TIMM44: variants seen among roughly 807,000 people sequenced by gnomAD.
TIMM44 encodes the protein mitochondrial import inner membrane translocase subunit TIM44.
TIMM44 carries 37 observed loss-of-function variants against 63.8 expected under a neutral mutation model. That is an observed-to-expected ratio of 0.58 (90% confidence interval 0.45 to 0.76). The LOEUF (loss-of-function observed/expected upper bound fraction) is 0.76. Ranked by LOEUF, TIMM44 falls within the 30% of genes least tolerant of loss-of-function variation. The pLI is 0.00. For synonymous variants in TIMM44, 239 were observed against 245.1 expected, an observed-to-expected ratio of 0.98 and a Z score of 0.23; for missense variants, 573 against 603.8, an observed-to-expected ratio of 0.95 and a Z score of 0.54.
chr19:7,930,939 G>A (rs1321222093), intron 10 of TIMM44, among the ~76,000 whole-genome samples, 199 bp downstream of exon 10: 1 of 151,988 alleles, frequency 6.6e-6, no homozygotes, highest in East Asian at 1.9e-4. Flanking sequence ...TGAGAGCCCA[G>A]ATGTGTCACA....
At position 7,943,500 on chromosome 19, in the gene TIMM44, A is replaced by T. The variant is rs896134457; in HGVS notation, c.45+107T>A. 2 of 1,287,432 alleles carry T rather than the reference A, an allele frequency of 1.6e-6. No individual in the cohort carries two copies. Among genetic ancestry groups the T allele is most frequent in the African/African-American group, 2.9e-5 (2 of 67,992 alleles). The allele number at this position is 1,287,432 out of a possible 1,614,324, so 79.8% of individuals were successfully genotyped here. A position where few individuals can be genotyped will look rare whatever the true frequency, so the allele number is the denominator to read the frequency against. Reference sequence around the variant, plus strand: ...AGATCTAACCCCAAGCTTTCTAAGGAGCCCAAGCAAGGGTCGCGAAGGCCA... The same window carrying T: ...AGATCTAACCCCAAGCTTTCTAAGGTGCCCAAGCAAGGGTCGCGAAGGCCA... On this transcript the variant is annotated intron_variant, in intron 1 of 12. Transcript: ENST00000270538. This position sits in a 1 kb window ranked among gnomAD's most constrained non-coding sequence, Gnocchi z 4.3.
intron 2 of TIMM44, 38 bp downstream of exon 2, chr19:7,941,064 C>T: frequency 6.4e-7 from 1 of 1,567,820 alleles, no homozygotes; most frequent in Middle Eastern, 1.7e-4. Flanking sequence ...TTCGGGCCTC[C>T]CCTGTGTCTG....
intron 3 of TIMM44, 94 bp from the exon 4 acceptor site, chr19:7,935,239 C>T: frequency 1.8e-6 from 2 of 1,121,876 alleles, no homozygotes. Flanking sequence ...GCTCTCGGCT[C>T]ACTGCAACTT....
At position 7,927,681 on chromosome 19, in the gene TIMM44, T is replaced by C; in HGVS notation, c.1215A>G (p.Lys405=). The part of the protein sequence containing the change: ...AQLVMVVRNP[K]GEVVEGDPDK... ...CCGGGTCACCCTCCACCACCTCGCC[T>C]TTGGGGTTCCTGACCACCATCACCA... Residue 405 remains lysine (K), a synonymous_variant, in exon 12 of 13, where the codon AAA becomes AAG. Coordinates refer to ENST00000270538, the MANE Select transcript of TIMM44 (RefSeq NM_006351.4). 6.2e-7 allele frequency: 1 copy of C among 1,613,516 alleles called. No individual in the cohort carries two copies. Among genetic ancestry groups the C allele is most frequent in the South Asian group, 1.1e-5 (1 of 91,090 alleles).
chr19:7,933,720 T>C lies in TIMM44; in HGVS notation c.683+144A>G. 1 of 1,413,416 alleles carries C rather than the reference T, an allele frequency of 7.1e-7. No individual in the cohort carries two copies. Among genetic ancestry groups the C allele is most frequent in the Non-Finnish European group, 9.9e-7 (1 of 1,007,860 alleles). 87.6% of individuals were successfully genotyped at this position (1,413,416 alleles called of 1,614,324 possible). A position where few individuals can be genotyped will look rare whatever the true frequency, so the allele number is the denominator to read the frequency against. On this transcript the variant is annotated intron_variant, in intron 6 of 12. Coordinates refer to ENST00000270538, the MANE Select transcript of TIMM44 (RefSeq NM_006351.4). This position sits in a 1 kb window ranked among gnomAD's most constrained non-coding sequence, Gnocchi z 4.3. ...AGGACCCCGCCCTCACCTCTCACCC[T>C]CAAATTCGAGGGAGCCGGGAACCTT... is the stretch of plus-strand genomic sequence containing the variant.
intron 10 of TIMM44, 181 bp from the exon 11 acceptor site, chr19:7,928,347 C>T (rs908656013): frequency 1.7e-5 from 10 of 601,720 alleles, no homozygotes; most frequent in African/African-American, 7.4e-5. Flanking sequence ...CCAGATCACA[C>T]GCTTCCCACT....
In TIMM44 at chr19:7,943,628, A is replaced by C; in HGVS notation, c.24T>G (p.Ser8Arg). 1.3e-6 allele frequency: 2 copies of C among 1,569,378 alleles called. No individual in the cohort carries two copies. The highest frequency in any genetic ancestry group is 1.7e-6 in the Non-Finnish European group (2 of 1,165,194). Residue 8 changes from serine (S) to arginine (R), a missense_variant, in exon 1 of 13, where the codon AGT (serine) becomes AGG (arginine). Physicochemically the swap from Ser to Arg is moderately radical, Grantham distance 110 (BLOSUM62 -1). Coordinates refer to ENST00000270538, the MANE Select transcript of TIMM44 (RefSeq NM_006351.4). The surrounding 1 kb of genome is among the most constrained non-coding windows in gnomAD (Gnocchi z 4.3). ...TCACCCGTGGACAGCGGCACCAGCC[A>C]CTCCGCAGGGCCGCCGCCGCCATGT... MAAAALR[S>R]GWCRCPRRCL...
intron 10 of TIMM44, among the ~76,000 whole-genome samples, chr19:7,930,060 A>G (rs190453356): frequency 0.021 from 3,179 of 151,540 alleles, 104 homozygotes; most frequent in African/African-American, 0.074. Flanking sequence ...TGTTGGCCAG[A>G]CTGGTCTCGA....
chr19:7,943,575 G>A lies in TIMM44; in HGVS notation c.45+32C>T. Reference sequence around the variant, plus strand: ...GGCCGAAGGCCCAGAAGACCCCTAAGCTCGCCCTGCCAGCGCCGCACCGCC... The same window carrying A: ...GGCCGAAGGCCCAGAAGACCCCTAAACTCGCCCTGCCAGCGCCGCACCGCC... On this transcript the variant is annotated intron_variant, in intron 1 of 12. Coordinates refer to ENST00000270538, the MANE Select transcript of TIMM44 (RefSeq NM_006351.4). This position sits in a 1 kb window ranked among gnomAD's most constrained non-coding sequence, Gnocchi z 4.3. The A allele has an allele frequency of 6.4e-7, 1 of 1,562,948 alleles. No homozygotes were observed.
intron 9 of TIMM44, chr19:7,931,747 C>T (rs1983991063): frequency 6.2e-6 from 1 of 160,960 alleles, no homozygotes; most frequent in African/African-American, 2.4e-5. Flanking sequence ...AGGGAGGTGC[C>T]TGGAGCGGGG....
intron 3 of TIMM44, among the ~76,000 whole-genome samples, chr19:7,936,431 G>A (rs920386738): frequency 1.6e-4 from 24 of 152,102 alleles, no homozygotes; most frequent in African/African-American, 5.8e-4. Flanking sequence ...CAGCCTGGCT[G>A]ACAGAGCAAG....
At chr19:7,935,601 C>T (rs1411160026) in intron 3 of TIMM44, among the ~76,000 whole-genome samples, 1 of 152,264 alleles carries the variant, frequency 6.6e-6, no homozygotes, top group Non-Finnish European at 1.5e-5. Flanking sequence ...GGGCCCCCGG[C>T]TGCCCACATG....
intron 10 of TIMM44, chr19:7,928,977 G>C (rs1274878477): frequency 1.3e-5 from 2 of 149,532 alleles, no homozygotes; most frequent in Non-Finnish European, 3.0e-5. Flanking sequence ...AATGCCTGCT[G>C]GATTAGTCAC....
Position 7,934,962 on chromosome 19 carries a change from G to T in TIMM44, c.393+103C>A. ...GGCAGCACGCCCCATGCCACCCACTGCTGCCAAGCCACCCCCACCCAGGAG... is the reference window on the plus strand; with the variant it reads ...GGCAGCACGCCCCATGCCACCCACTTCTGCCAAGCCACCCCCACCCAGGAG... On this transcript the variant is annotated intron_variant, in intron 4 of 12. Transcript: ENST00000270538. This position sits in a 1 kb window ranked among gnomAD's most constrained non-coding sequence, Gnocchi z 5.3. 9.1e-7 allele frequency: 1 copy of T among 1,093,806 alleles called. No individual in the cohort carries two copies. 67.8% of individuals were successfully genotyped at this position (1,093,806 alleles called of 1,614,324 possible). A position where few individuals can be genotyped will look rare whatever the true frequency, so the allele number is the denominator to read the frequency against.
intron 9 of TIMM44, chr19:7,932,309 G>A (rs543885709): frequency 6.4e-5 from 27 of 420,912 alleles, no homozygotes; most frequent in Non-Finnish European, 1.0e-4. Context: ...CAAGGGGTGA[G>A]GGGCTCCAGG....
At chr19:7,936,455 G>C (rs983343226) in intron 3 of TIMM44, among the ~76,000 whole-genome samples, 1 of 151,984 alleles carries the variant, frequency 6.6e-6, no homozygotes, top group Non-Finnish European at 1.5e-5. Flanking sequence ...CCATCTCAAA[G>C]GAGAAAAACA....
At position 7,927,347 on chromosome 19, in the gene TIMM44, G is replaced by C. The variant is rs757359123; in HGVS notation, c.1240-41C>G. On this transcript the variant is annotated intron_variant, in intron 12 of 12. Transcript: ENST00000270538. ...GGAAGGGCACTGTTGAGAGGGTTGA[G>C]GTGACCCAGGCAGCTCTGGGGGGGG... 5 of 1,601,682 alleles carry C rather than the reference G, an allele frequency of 3.1e-6. No individual in the cohort carries two copies. In the East Asian group the frequency reaches 1.1e-4, roughly 36 times the overall value.
chr19:7,933,603 CG>C lies in TIMM44; in HGVS notation c.684-34del. 6.3e-7 allele frequency: 1 copy of C among 1,589,580 alleles called. No homozygotes were observed. Among genetic ancestry groups the C allele is most frequent in the Non-Finnish European group, 8.6e-7 (1 of 1,157,980 alleles). On this transcript the variant is annotated intron_variant, in intron 6 of 12. Transcript: ENST00000270538. This position sits in a 1 kb window ranked among gnomAD's most constrained non-coding sequence, Gnocchi z 4.3. ...AGAGGGTGGGCCCTGGGGTGAGCGG[CG>C]GCGCCAGGGCCACCCTGTGCCCTCC...
Position 7,941,179 on chromosome 19 carries a change from T to A in TIMM44, c.64A>T (p.Ile22Phe). ...RCPRRCLGSG[I>F]QFLSSHNLPH... ...AGGTTGTGGCTGGAAAGAAATTGGA[T>A]TCCACTGCCGAGGCATCTCTAATTG... Residue 22 changes from isoleucine to phenylalanine, a missense_variant, in exon 2 of 13, where the codon ATC becomes TTC. Physicochemically the swap from Ile to Phe is conservative, Grantham distance 21 (BLOSUM62 0). Transcript: ENST00000270538. 1 of 1,613,940 alleles carries A rather than the reference T, an allele frequency of 6.2e-7. No individual in the cohort carries two copies. Among genetic ancestry groups the A allele is most frequent in the Non-Finnish European group, 8.5e-7 (1 of 1,179,890 alleles).
Sources: gnomAD v4.1 joint callset for allele counts (sites outside exome capture counted in the v4.1 genomes callset) on GRCh38, gnomAD v4.1.1 for gene constraint, Gnocchi (gnomAD v3.1) non-coding constraint, MANE v1.5 for transcripts, NCBI Gene and HGNC (gene_info 2026-07-23, HGNC 2026-07-21) for gene names.